Variants in SRCAP observed in about 807,000 individuals in gnomAD.
The protein encoded by SRCAP is chromatin remodeling protein SRCAP.
SRCAP carries 46 observed loss-of-function variants against 263.1 expected under a neutral mutation model. The ratio of observed to expected loss-of-function variants is 0.17; its 90% CI spans 0.14 to 0.22. The LOEUF is 0.22. Ranked by LOEUF, SRCAP falls within the 10% of genes least tolerant of loss-of-function variation. The pLI is 1.00. For missense variants in SRCAP, 3,695 were observed against 4,181.9 expected, an observed-to-expected ratio of 0.88 and a Z score of 3.21; for synonymous variants, 1,813 against 1,662.1, an observed-to-expected ratio of 1.09 and a Z score of -2.21.
rs767188034 is a variant in SRCAP at position 30,716,169 on chromosome 16, G to A, written c.2597G>A (p.Arg866His). 2.5e-6 allele frequency: 4 copies of A among 1,614,196 alleles called. No homozygotes were observed. The highest frequency in any genetic ancestry group is 3.3e-4 in the Middle Eastern group (2 of 6,062). Residue 866 changes from arginine to histidine, a missense_variant, in exon 17 of 34, where the codon CGC becomes CAC. Coordinates refer to ENST00000262518, the MANE Select transcript of SRCAP (RefSeq NM_006662.3). ...CGCTGCAGGCTCTCCAAGCGTCAACGCTGTCTCTATGATGACTTCATGGCA... is the reference window on the plus strand; with the variant it reads ...CGCTGCAGGCTCTCCAAGCGTCAACACTGTCTCTATGATGACTTCATGGCA... Reference protein sequence around the residue: ...VIRCRLSKRQRCLYDDFMAQT... With the variant: ...VIRCRLSKRQHCLYDDFMAQT...
At position 30,737,133 on chromosome 16, in the gene SRCAP, G is replaced by A; in HGVS notation, c.7093G>A (p.Gly2365Arg). The change falls in exon 34 of 34, where the codon GGG becomes AGG. Residue 2365 changes from glycine to arginine, a missense_variant. Physicochemically the swap from Gly to Arg is moderately radical, Grantham distance 125 (BLOSUM62 -2). Coordinates refer to ENST00000262518, the MANE Select transcript of SRCAP (RefSeq NM_006662.3). ...RLPQEEEEGPGAGDESSCGTG... is the reference protein window; with the variant it reads ...RLPQEEEEGPRAGDESSCGTG... Reference sequence around the variant, plus strand: ...ACCCCAAGAGGAGGAGGAGGGGCCGGGGGCTGGGGATGAGAGTTCCTGTGG... The same window carrying A: ...ACCCCAAGAGGAGGAGGAGGGGCCGAGGGCTGGGGATGAGAGTTCCTGTGG... 1 of 1,613,980 alleles carries A rather than the reference G, an allele frequency of 6.2e-7. No individual in the cohort carries two copies. Among genetic ancestry groups the A allele is most frequent in the Non-Finnish European group, 8.5e-7 (1 of 1,179,914 alleles).
intron 18 of SRCAP, among the ~76,000 whole-genome samples, chr16:30,718,095 A>G (rs149185248): frequency 1.4e-3 from 204 of 143,578 alleles, no homozygotes; most frequent in African/African-American, 5.2e-3. Context: ...CTAGTCTTGA[A>G]CTCCTGGCCT....
chr16:30,717,681 T>C (rs549263045), intron 18 of SRCAP, among the ~76,000 whole-genome samples: 1 of 146,606 alleles, frequency 6.8e-6, no homozygotes, highest in South Asian at 2.2e-4. Context: ...GGTGCCATCT[T>C]GGCTTACTGC....
At position 30,737,213 on chromosome 16, in the gene SRCAP, G is replaced by A. The variant is rs150413453; in HGVS notation, c.7173G>A (p.Pro2391=). Reference sequence around the variant, plus strand: ...AAAAGGCCAAAGCCCCTGAGAGGCCGGGGACTCGTGTCAGTGAGCGTCTTC... The same window carrying A: ...AAAAGGCCAAAGCCCCTGAGAGGCCAGGGACTCGTGTCAGTGAGCGTCTTC... ...RSKKAKAPER[P]GTRVSERLRG... Residue 2391 remains proline (P), a synonymous_variant, in exon 34 of 34, where the codon CCG becomes CCA. Coordinates refer to ENST00000262518, the MANE Select transcript of SRCAP (RefSeq NM_006662.3). 7.1e-5 allele frequency: 115 copies of A among 1,613,948 alleles called. No homozygotes were observed. Among genetic ancestry groups the A allele is most frequent in the Non-Finnish European group, 9.1e-5 (107 of 1,180,012 alleles).
intron 4 of SRCAP, 38 bp downstream of exon 4, chr16:30,704,353 T>C: frequency 6.5e-7 from 1 of 1,543,434 alleles, no homozygotes. Flanking sequence ...TCTTGGGAGT[T>C]ATCTTCCGTA....
Position 30,734,617 on chromosome 16 carries a change from T to TA in SRCAP, c.6729+9dup, listed in dbSNP as rs770423372. ...AAGCAGACTCATATTCTGGAGCAGG[T>TA]AAAAAAAGAGTGGGCAGTTCGTAAA... is the stretch of plus-strand genomic sequence containing the variant. On this transcript the variant is annotated splice_region_variant and intron_variant, in intron 31 of 33. Transcript: ENST00000262518. The TA allele has an allele frequency of 9.3e-6, 15 of 1,613,716 alleles. No homozygotes were observed. Among genetic ancestry groups the TA allele is most frequent in the Middle Eastern group, 1.6e-4 (1 of 6,084 alleles).
At chr16:30,727,039 A>G (rs542705458) in intron 25 of SRCAP, among the ~76,000 whole-genome samples, 147 of 152,210 alleles carry the variant, frequency 9.7e-4, no homozygotes, top group African/African-American at 3.4e-3. Context: ...GGGGTTTACC[A>G]TGTTTGCCAC....
chr16:30,715,044 A>G (rs1285225118), intron 16 of SRCAP, among the ~76,000 whole-genome samples: 1 of 152,146 alleles, frequency 6.6e-6, no homozygotes, highest in Admixed American at 6.5e-5. Flanking sequence ...AGGCCTACTC[A>G]TTCCTAAGGC....
intron 3 of SRCAP, among the ~76,000 whole-genome samples, chr16:30,702,627 C>T (rs2052780978): frequency 7.4e-6 from 1 of 135,228 alleles, no homozygotes; most frequent in African/African-American, 2.8e-5. Flanking sequence ...CTCCTTCCTT[C>T]CTTCCTTCCT....
chr16:30,703,709 AC>A (rs2151284366), intron 3 of SRCAP, among the ~76,000 whole-genome samples: 1 of 151,382 alleles, frequency 6.6e-6, no homozygotes, highest in South Asian at 2.1e-4. Context: ...ATCCTGGCTA[AC>A]GTGGTGAAAC....
chr16:30,718,894 TTAC>T (rs1037093630), intron 18 of SRCAP, among the ~76,000 whole-genome samples: 6 of 152,026 alleles, frequency 3.9e-5, no homozygotes, highest in Admixed American at 2.6e-4. Flanking sequence ...TGTGTTGTTA[TTAC>T]TACTTTTTTT....
Position 30,733,541 on chromosome 16 carries a change from C to G in SRCAP, c.6298-61C>G. The G allele has an allele frequency of 6.2e-7, 1 of 1,604,280 alleles. No homozygotes were observed. The highest frequency in any genetic ancestry group is 1.7e-5 in the Admixed American group (1 of 59,364). On this transcript the variant is annotated intron_variant, in intron 28 of 33. Transcript: ENST00000262518. This position sits in a 1 kb window ranked among gnomAD's most constrained non-coding sequence, Gnocchi z 5.3. The stretch of plus-strand genomic sequence containing the variant: ...GCTTCCAGACGGGGTGCCACTAAGC[C>G]TTTAGACCTGTTTTGGGGGATAAGT...
At chr16:30,708,743 G>C (rs1040209274) in intron 6 of SRCAP, among the ~76,000 whole-genome samples, 1 of 152,162 alleles carries the variant, frequency 6.6e-6, no homozygotes, top group Non-Finnish European at 1.5e-5. Context: ...ATACCAAGCT[G>C]ATCTTGAATT....
chr16:30,700,666 C>CCCCGGGCCCTGGAAGGCGGGT lies in SRCAP; in HGVS notation c.-153_-133dup, dbSNP rs1287868265. ...GCGGAGGCTGGGACGCCCTGGTGGG[C>CCCCGGGCCCTGGAAGGCGGGT]CCCGGGCCCTGGAAGGCGGGTCCCG... On this transcript the variant is annotated 5_prime_UTR_variant, in exon 3 of 34. Transcript: ENST00000262518. 16 of 604,754 alleles carry CCCCGGGCCCTGGAAGGCGGGT rather than the reference C, an allele frequency of 2.6e-5. No homozygotes were observed. The East Asian group carries it at 4.1e-4, about 16-fold the overall frequency. 37.5% of individuals were successfully genotyped at this position (604,754 alleles called of 1,614,324 possible). A position where few individuals can be genotyped will look rare whatever the true frequency, so the allele number is the denominator to read the frequency against.
rs1157807351 is a variant in SRCAP at position 30,716,495 on chromosome 16, T to C, written c.2817+16T>C. The stretch of plus-strand genomic sequence containing the variant: ...TCCCCTCCAGGTAAGTATGATTCCA[T>C]TAATATGAAATGTAAAGGTTATCGG... On this transcript the variant is annotated intron_variant, in intron 18 of 33. Transcript: ENST00000262518. The C allele has an allele frequency of 5.6e-6, 9 of 1,597,076 alleles. No individual in the cohort carries two copies. The highest frequency in any genetic ancestry group is 6.8e-6 in the Non-Finnish European group (8 of 1,171,220).
intron 6 of SRCAP, among the ~76,000 whole-genome samples, chr16:30,707,982 C>T (rs2052846080): frequency 6.6e-6 from 1 of 152,232 alleles, no homozygotes; most frequent in Non-Finnish European, 1.5e-5. Context: ...CCACTTAGCA[C>T]ATGCTTAAAT....
intron 31 of SRCAP, 30 bp downstream of exon 31, chr16:30,734,645 TG>T: frequency 6.2e-7 from 1 of 1,613,840 alleles, no homozygotes; most frequent in Non-Finnish European, 8.5e-7. Context: ...TTCGTAAAGT[TG>T]AGCTGATTCT....
chr16:30,701,636 CTTTT>C (rs35698444), intron 3 of SRCAP, among the ~76,000 whole-genome samples: 1 of 136,758 alleles, frequency 7.3e-6, no homozygotes, highest in Non-Finnish European at 1.6e-5. Context: ...TTTTTCTTTT[CTTTT>C]TTTTTTTTTT....
At chr16:30,729,270 G>C (rs776229431) in intron 26 of SRCAP, 39 bp downstream of exon 26, 1 of 1,596,584 alleles carries the variant, frequency 6.3e-7, no homozygotes, top group Non-Finnish European at 8.6e-7. Flanking sequence ...TGGGTCTTGG[G>C]GCCTCAGAGT....
Sources: allele counts gnomAD v4.1 joint callset (sites outside exome capture counted in the v4.1 genomes callset), GRCh38; gene constraint gnomAD v4.1.1; non-coding constraint Gnocchi (gnomAD v3.1); transcripts MANE v1.5; gene names NCBI Gene and HGNC (gene_info 2026-07-23, HGNC 2026-07-21).